Variants in SHTN1 observed in about 807,000 individuals in gnomAD.
SHTN1 encodes the protein shootin-1.
In SHTN1, 42 loss-of-function variants were observed where a neutral mutation model predicts 83.1. The observed-to-expected ratio is 0.51, with a 90% CI of 0.39 to 0.65. The LOEUF is 0.65. Ranked by LOEUF, SHTN1 falls within the 30% of genes least tolerant of loss-of-function variation. The probability of loss-of-function intolerance (pLI) is 0.00; values close to 1 mark genes in which losing one functional copy is unlikely to be tolerated. For missense variants in SHTN1, 622 were observed against 737.8 expected, an observed-to-expected ratio of 0.84 and a Z score of 1.82; for synonymous variants, 224 against 247.7, an observed-to-expected ratio of 0.90 and a Z score of 0.90.
At chr10:117,008,897 G>A (rs901946113), upstream of SHTN1, among the ~76,000 whole-genome samples, 1 of 152,090 alleles carries the variant, frequency 6.6e-6, no homozygotes, top group Non-Finnish European at 1.5e-5. Flanking sequence ...GTGGATCACC[G>A]GAGGTCAGGA....
rs1564858098 is a variant in SHTN1 at position 116,886,096 on chromosome 10, T to C, written c.*248A>G. 1.9e-6 allele frequency: 1 copy of C among 528,190 alleles called. No individual in the cohort carries two copies. The highest frequency in any genetic ancestry group is 3.2e-5 in the East Asian group (1 of 31,530). The allele number at this position is 528,190 out of a possible 1,614,324, so 32.7% of individuals were successfully genotyped here. A position where few individuals can be genotyped will look rare whatever the true frequency, so the allele number is the denominator to read the frequency against. On this transcript the variant is annotated 3_prime_UTR_variant, in exon 17 of 17. Coordinates refer to ENST00000355371, the MANE Select transcript of SHTN1 (RefSeq NM_001127211.3). ...ACCTTCTAAAAGAAGTCATACTTAATACAGTAACTAGGAAAAAAACCTCAT... is the reference window on the plus strand; with the variant it reads ...ACCTTCTAAAAGAAGTCATACTTAACACAGTAACTAGGAAAAAAACCTCAT...
intron 1 of SHTN1, among the ~76,000 whole-genome samples, chr10:116,983,400 G>C (rs532337392): frequency 6.6e-6 from 1 of 152,040 alleles, no homozygotes; most frequent in Non-Finnish European, 1.5e-5. Flanking sequence ...AATTTCCAGG[G>C]TACTTCTATC....
intron 2 of SHTN1, among the ~76,000 whole-genome samples, chr10:117,013,456 A>T (rs756632549): frequency 9.2e-5 from 14 of 152,158 alleles, no homozygotes; most frequent in Non-Finnish European, 1.6e-4. Context: ...TTACAGGAAT[A>T]AGCCACCATG....
At chr10:117,063,454 T>C (rs1235985654) in intron 1 of SHTN1, among the ~76,000 whole-genome samples, 2 of 152,222 alleles carry the variant, frequency 1.3e-5, no homozygotes, top group African/African-American at 4.8e-5. Flanking sequence ...ATGCTTCCTG[T>C]AGTATTAATA....
At chr10:116,953,366 C>T (rs1393096056) in intron 5 of SHTN1, among the ~76,000 whole-genome samples, 2 of 152,226 alleles carry the variant, frequency 1.3e-5, no homozygotes, top group Admixed American at 6.5e-5. Context: ...ACATATAGTA[C>T]ATATCCTTAA....
chr10:117,011,823 G>T (rs1852107992), intron 2 of SHTN1, among the ~76,000 whole-genome samples: 1 of 152,082 alleles, frequency 6.6e-6, no homozygotes, highest in Non-Finnish European at 1.5e-5. Context: ...CTAAATAAAT[G>T]GAGAGATATA....
At chr10:116,896,326 T>C (rs942755255) in intron 16 of SHTN1, among the ~76,000 whole-genome samples, 1 of 152,172 alleles carries the variant, frequency 6.6e-6, no homozygotes, top group Middle Eastern at 3.2e-3. Flanking sequence ...TATTTATTGC[T>C]TGACTTATGT....
At chr10:117,030,583 G>A (rs563955967) in intron 2 of SHTN1, among the ~76,000 whole-genome samples, 2 of 152,156 alleles carry the variant, frequency 1.3e-5, no homozygotes, top group South Asian at 4.1e-4. Flanking sequence ...TAGCCATTTT[G>A]AGGAAACTCA....
chr10:116,897,886 A>AT (rs1479702377), intron 16 of SHTN1, among the ~76,000 whole-genome samples: 1 of 152,040 alleles, frequency 6.6e-6, no homozygotes, highest in Non-Finnish European at 1.5e-5. Context: ...AATAAATCAC[A>AT]TTGTTTCCTT....
intron 1 of SHTN1, among the ~76,000 whole-genome samples, chr10:117,000,506 T>C (rs1564924515): frequency 6.6e-6 from 1 of 152,342 alleles, no homozygotes; most frequent in East Asian, 1.9e-4. Context: ...AAATCCATTT[T>C]AAATACTGTT....
At chr10:117,009,915 GA>G (rs549793103), upstream of SHTN1, among the ~76,000 whole-genome samples, 1,053 of 146,214 alleles carry the variant, frequency 7.2e-3, 12 homozygotes, top group African/African-American at 0.022. Context: ...AAAAGGAAAA[GA>G]AAAAAAAAAC....
intron 12 of SHTN1, among the ~76,000 whole-genome samples, chr10:116,920,094 A>T (rs1329819020): frequency 1.3e-5 from 2 of 152,134 alleles, no homozygotes; most frequent in Non-Finnish European, 2.9e-5. Context: ...TAAATCCTTA[A>T]AGTAACAGAA....
At chr10:116,899,345 T>C (rs1005056633) in intron 16 of SHTN1, among the ~76,000 whole-genome samples, 2 of 152,028 alleles carry the variant, frequency 1.3e-5, no homozygotes, top group Non-Finnish European at 2.9e-5. Context: ...GTAGGCCTCA[T>C]AGAGAAGATA....
intron 4 of SHTN1, among the ~76,000 whole-genome samples, chr10:116,957,485 C>T (rs1332945106): frequency 6.6e-6 from 1 of 151,738 alleles, no homozygotes; most frequent in African/African-American, 2.4e-5. Context: ...ATCTCCTGAC[C>T]TCAGGTGATC....
At chr10:116,924,896 T>C (rs1225193121) in intron 11 of SHTN1, among the ~76,000 whole-genome samples, 4 of 152,018 alleles carry the variant, frequency 2.6e-5, no homozygotes, top group Non-Finnish European at 4.4e-5. Flanking sequence ...TGGCTGGGAC[T>C]ACAGGCACCC....
At position 117,103,530 on chromosome 10, in the gene SHTN1, C is replaced by T. The variant is rs1020219691; in HGVS notation, c.-189+22777G>A. Among the ~76,000 whole-genome samples the T allele has an allele frequency of 1.8e-4, 14 of 77,546 alleles. No individual in the cohort carries two copies. The East Asian group carries it at 1.9e-3, about 10-fold the overall frequency. 50.9% of individuals were successfully genotyped at this position (77,546 alleles called of 152,430 possible). On this transcript the variant is annotated intron_variant, in intron 1 of 17. Coordinates refer to the SHTN1 transcript ENST00000392901. ...TTTCCCCTCCCCTCCCCTCCCCTCT[C>T]TTTTTTTTTTTTTTTTTTTTTTTTT... is the stretch of plus-strand genomic sequence containing the variant.
At chr10:116,926,758 T>TA (rs1564880342) in intron 11 of SHTN1, among the ~76,000 whole-genome samples, 1 of 151,860 alleles carries the variant, frequency 6.6e-6, no homozygotes. Flanking sequence ...TGCCATTTGT[T>TA]AAAGAATAAA....
At chr10:117,007,331 T>A (rs1393066495), upstream of SHTN1, among the ~76,000 whole-genome samples, 1 of 151,962 alleles carries the variant, frequency 6.6e-6, no homozygotes, top group Non-Finnish European at 1.5e-5. Context: ...TCCATTTTTT[T>A]TTAATGGCTG....
chr10:117,064,603 C>T (rs1345088064), intron 1 of SHTN1, among the ~76,000 whole-genome samples: 28 of 150,042 alleles, frequency 1.9e-4, no homozygotes, highest in Non-Finnish European at 2.2e-4. Flanking sequence ...TGTAGTGAGC[C>T]GAGATCGTGC....
Sources: gnomAD v4.1 joint callset for allele counts (sites outside exome capture counted in the v4.1 genomes callset) on GRCh38, gnomAD v4.1.1 for gene constraint, MANE v1.5 for transcripts, NCBI Gene and HGNC (gene_info 2026-07-23, HGNC 2026-07-21) for gene names.